The following C8orf89 variants were observed in gnomAD, a reference collection of about 807,000 sequenced individuals.
The protein encoded by C8orf89 is chromosome 8 open reading frame 89.
In C8orf89, 14 loss-of-function variants were observed where a neutral mutation model predicts 15.8. That is an observed-to-expected ratio of 0.89 (90% CI 0.59 to 1.39). C8orf89 has a LOEUF of 1.39. Among genes scored for constraint, C8orf89 ranks in the 40% most tolerant of loss-of-function variants. The pLI, the probability that C8orf89 is intolerant of heterozygous loss-of-function variation, is 0.00. For synonymous variants in C8orf89, 55 were observed against 62.2 expected, an observed-to-expected ratio of 0.88 and a Z score of 0.54; for missense variants, 181 against 184.5, an observed-to-expected ratio of 0.98 and a Z score of 0.11.
the C8orf89 span, chr8:73,277,722 G>A: frequency 1.3e-6 from 1 of 749,194 alleles, no homozygotes; most frequent in East Asian, 2.5e-5. Context: ...CTGCATAGAG[G>A]GGGACACCCA....
chr8:73,252,230 A>G (rs1813266637), intron 2 of C8orf89, among the ~76,000 whole-genome samples: 1 of 152,252 alleles, frequency 6.6e-6, no homozygotes, highest in South Asian at 2.1e-4. Flanking sequence ...TGTTACTTAC[A>G]AAACCAAAAC....
At chr8:73,273,234 G>C in the C8orf89 span, among the ~76,000 whole-genome samples, 2 of 152,280 alleles carry the variant, frequency 1.3e-5, no homozygotes, top group African/African-American at 4.8e-5. Context: ...ATGTTCCTGG[G>C]CACAGCTGCA....
rs538119021 is a variant in C8orf89, at chr8:73,246,016, A to G, written c.337+4252T>C. On this transcript the variant is annotated intron_variant, in intron 3 of 3. Transcript: ENST00000624510. ...CACTGAATCCAGACAAGGACAGAAC[A>G]AAAAAGAAAATTCATGGCAATCTCA... 5.9e-5 allele frequency among the ~76,000 whole-genome samples: 9 copies of G among 152,342 alleles called. No individual in the cohort carries two copies. The South Asian group carries it at 1.9e-3, about 32-fold the overall frequency.
chr8:73,279,650 C>T, the C8orf89 span, among the ~76,000 whole-genome samples: 1 of 152,306 alleles, frequency 6.6e-6, no homozygotes, highest in Non-Finnish European at 1.5e-5. Context: ...TTCCTCCTCT[C>T]CTCCATCAAG....
chr8:73,244,657 G>T (rs1813084101), intron 3 of C8orf89, among the ~76,000 whole-genome samples: 1 of 151,988 alleles, frequency 6.6e-6, no homozygotes, highest in Admixed American at 6.6e-5. Flanking sequence ...TGTTTTGTTT[G>T]CAGGGGTAAT....
the C8orf89 span, among the ~76,000 whole-genome samples, chr8:73,279,080 C>G: frequency 6.6e-6 from 1 of 152,140 alleles, no homozygotes; most frequent in Non-Finnish European, 1.5e-5. Context: ...CTTATGGTTT[C>G]CATTCCTTCA....
the C8orf89 span, among the ~76,000 whole-genome samples, chr8:73,268,563 A>G: frequency 6.6e-6 from 1 of 152,216 alleles, no homozygotes; most frequent in Admixed American, 6.5e-5. Flanking sequence ...AAGATACTCT[A>G]TGAGACAATC....
chr8:73,246,196 A>T (rs1240907035), intron 3 of C8orf89, among the ~76,000 whole-genome samples: 2 of 152,252 alleles, frequency 1.3e-5, no homozygotes, highest in Non-Finnish European at 2.9e-5. Flanking sequence ...GTTATTCTTC[A>T]CATCAAAATA....
chr8:73,277,946 G>A, the C8orf89 span: 1 of 660,094 alleles, frequency 1.5e-6, no homozygotes, highest in South Asian at 1.4e-5. Flanking sequence ...AAACATGTCT[G>A]TGTTGGCCAG....
the C8orf89 span, among the ~76,000 whole-genome samples, chr8:73,273,939 G>A: frequency 1.3e-5 from 2 of 151,908 alleles, no homozygotes; most frequent in African/African-American, 4.8e-5. Flanking sequence ...ATAGAACTAA[G>A]AAATACCATT....
the C8orf89 span, among the ~76,000 whole-genome samples, chr8:73,280,754 CATAT>C: frequency 6.9e-6 from 1 of 145,126 alleles, no homozygotes; most frequent in African/African-American, 2.5e-5. Context: ...CACACACACA[CATAT>C]ACATACATAC....
At position 73,241,422 on chromosome 8, in the gene C8orf89, G is replaced by A. The variant is rs186286612; in HGVS notation, c.*35C>T. 4 of 1,387,152 alleles carry A rather than the reference G, an allele frequency of 2.9e-6. No homozygotes were observed. Among genetic ancestry groups the A allele is most frequent in the Admixed American group, 5.7e-5 (2 of 34,974 alleles). 85.9% of individuals were successfully genotyped at this position (1,387,152 alleles called of 1,614,324 possible). A position where few individuals can be genotyped will look rare whatever the true frequency, so the allele number is the denominator to read the frequency against. On this transcript the variant is annotated 3_prime_UTR_variant, in exon 4 of 4. Transcript: ENST00000624510. ...AAAAAAGAAAATATAAAGCTTAAAA[G>A]TCACTGAAGAAAGCATCACACTGTA... is the stretch of plus-strand genomic sequence containing the variant.
the C8orf89 span, among the ~76,000 whole-genome samples, chr8:73,276,429 C>A: frequency 6.6e-6 from 1 of 152,130 alleles, no homozygotes; most frequent in Non-Finnish European, 1.5e-5. Context: ...CCACCCGCCT[C>A]AGCCTCCCAA....
chr8:73,277,784 G>A, the C8orf89 span: 1 of 736,728 alleles, frequency 1.4e-6, no homozygotes, highest in South Asian at 1.3e-5. Context: ...CCCCTCAACA[G>A]AGGAAACAGC....
At chr8:73,269,140 A>T in the C8orf89 span, among the ~76,000 whole-genome samples, 1 of 152,234 alleles carries the variant, frequency 6.6e-6, no homozygotes, top group Non-Finnish European at 1.5e-5. Flanking sequence ...GAACAGGTAC[A>T]GTGAGAAAAC....
At chr8:73,250,130 A>G (rs1055812758) in intron 3 of C8orf89, 138 bp downstream of exon 3, 56 of 588,758 alleles carry the variant, frequency 9.5e-5, no homozygotes, top group Non-Finnish European at 1.2e-5. Context: ...CACTTAGTTT[A>G]TAAAATAAAC....
At chr8:73,245,630 A>G (rs540089592) in intron 3 of C8orf89, among the ~76,000 whole-genome samples, 1 of 152,226 alleles carries the variant, frequency 6.6e-6, no homozygotes, top group East Asian at 1.9e-4. Flanking sequence ...ATTACTCAAG[A>G]AAATAAAAGA....
the C8orf89 span, chr8:73,277,408 TC>T: frequency 8.4e-7 from 1 of 1,192,278 alleles, no homozygotes; most frequent in Non-Finnish European, 1.2e-6. Context: ...CTTAGCAGCC[TC>T]CAGAACCAGA....
the C8orf89 span, among the ~76,000 whole-genome samples, chr8:73,275,020 A>G: frequency 6.6e-6 from 1 of 152,192 alleles, no homozygotes; most frequent in Non-Finnish European, 1.5e-5. Context: ...ATCTTTGTAA[A>G]TGACTCCTAA....
Sources: gnomAD v4.1 joint callset for allele counts (sites outside exome capture counted in the v4.1 genomes callset) on GRCh38, gnomAD v4.1.1 for gene constraint, MANE v1.5 for transcripts, NCBI Gene and HGNC (gene_info 2026-07-23, HGNC 2026-07-21) for gene names.